GLIPR1L2: variants seen among roughly 807,000 people sequenced by gnomAD.
GLIPR1L2 encodes GLIPR1-like protein 2.
In GLIPR1L2, 21 loss-of-function variants were observed where a neutral mutation model predicts 28.4. The ratio of observed to expected loss-of-function variants is 0.74; its 90% CI spans 0.52 to 1.06. The LOEUF (loss-of-function observed/expected upper bound fraction) is 1.06. GLIPR1L2 is among the 50% of genes least tolerant of loss of function. GLIPR1L2 has a pLI of 0.00. For synonymous variants in GLIPR1L2, 145 were observed against 139.3 expected, an observed-to-expected ratio of 1.04 and a Z score of -0.29; for missense variants, 476 against 416.9, an observed-to-expected ratio of 1.14 and a Z score of -1.23.
chr12:75,416,556 A>G (rs1292442707), intron 3 of GLIPR1L2, among the ~76,000 whole-genome samples: 2 of 152,144 alleles, frequency 1.3e-5, no homozygotes. Flanking sequence ...CAAGTGAAGA[A>G]CATGAGCTAA....
intron 2 of GLIPR1L2, among the ~76,000 whole-genome samples, chr12:75,413,099 A>G (rs1210691720): frequency 1.3e-5 from 2 of 151,832 alleles, no homozygotes; most frequent in Non-Finnish European, 1.5e-5. Flanking sequence ...GCAAGGACAA[A>G]AAACCAAACA....
chr12:75,432,041 C>T lies in GLIPR1L2; in HGVS notation c.*880C>T, dbSNP rs1170781854. On this transcript the variant is annotated 3_prime_UTR_variant, in exon 6 of 6. Transcript: ENST00000550916. ...GATAGCACTAGATGACCACTAAGAC[C>T]TCTTCCATCAATGAATATTCATGGA... The T allele has an allele frequency of 2.6e-5, 4 of 151,960 alleles. No individual in the cohort carries two copies. Among genetic ancestry groups the T allele is most frequent in the African/African-American group, 9.7e-5 (4 of 41,392 alleles). 9.4% of individuals were successfully genotyped at this position (151,960 alleles called of 1,614,324 possible). A position where few individuals can be genotyped will look rare whatever the true frequency, so the allele number is the denominator to read the frequency against.
chr12:75,398,629 G>A (rs924022502), intron 1 of GLIPR1L2, among the ~76,000 whole-genome samples: 1 of 152,012 alleles, frequency 6.6e-6, no homozygotes, highest in Non-Finnish European at 1.5e-5. Flanking sequence ...CTAGGAGAAG[G>A]CTCAAGACTT....
At chr12:75,419,979 T>C (rs1027302825) in intron 3 of GLIPR1L2, among the ~76,000 whole-genome samples, 2 of 152,200 alleles carry the variant, frequency 1.3e-5, no homozygotes, top group Admixed American at 1.3e-4. Context: ...CTTAAACTTA[T>C]TGGAATAGAT....
chr12:75,410,750 C>G (rs775030458), intron 2 of GLIPR1L2, 71 bp downstream of exon 2: 3 of 1,093,746 alleles, frequency 2.7e-6, no homozygotes, highest in Non-Finnish European at 3.9e-6. Context: ...TATTATGTTT[C>G]AAATTTGTAC....
At position 75,410,408 on chromosome 12, in the gene GLIPR1L2, C is replaced by T. The variant is rs1186490161; in HGVS notation, c.235-26C>T. The T allele has an allele frequency of 8.1e-6, 12 of 1,478,284 alleles. No individual in the cohort carries two copies. The East Asian group carries it at 2.4e-4, about 30-fold the overall frequency. The allele number at this position is 1,478,284 out of a possible 1,614,324, so 91.6% of individuals were successfully genotyped here. On this transcript the variant is annotated intron_variant, in intron 1 of 5. Coordinates refer to ENST00000550916, the MANE Select transcript of GLIPR1L2 (RefSeq NM_001270396.2). ...ACTACAAAAAAAAACTTATTTTGTTCTCTTTGCTTTTTGAATATTTTTCAG... is the reference window on the plus strand; with the variant it reads ...ACTACAAAAAAAAACTTATTTTGTTTTCTTTGCTTTTTGAATATTTTTCAG...
At position 75,431,567 on chromosome 12, in the gene GLIPR1L2, G is replaced by A. The variant is rs1198544459; in HGVS notation, c.*406G>A. Reference sequence around the variant, plus strand: ...TCATTCCAAGTTCATAACAACCATTGAATAAAATTTGTATTTTTTTGTTTT... The same window carrying A: ...TCATTCCAAGTTCATAACAACCATTAAATAAAATTTGTATTTTTTTGTTTT... On this transcript the variant is annotated 3_prime_UTR_variant, in exon 6 of 6. Transcript: ENST00000550916. 2 of 156,872 alleles carry A rather than the reference G, an allele frequency of 1.3e-5. No individual in the cohort carries two copies. Among genetic ancestry groups the A allele is most frequent in the Non-Finnish European group, 2.8e-5 (2 of 71,244 alleles). 9.7% of individuals were successfully genotyped at this position (156,872 alleles called of 1,614,324 possible).
chr12:75,406,157 A>AG (rs1293806696), intron 1 of GLIPR1L2, among the ~76,000 whole-genome samples: 2 of 151,710 alleles, frequency 1.3e-5, no homozygotes, highest in Non-Finnish European at 2.9e-5. Flanking sequence ...TTTTAAAAAA[A>AG]AATTATGTTA....
intron 1 of GLIPR1L2, among the ~76,000 whole-genome samples, chr12:75,406,359 A>G (rs181362027): frequency 1.4e-3 from 218 of 152,296 alleles, no homozygotes; most frequent in Non-Finnish European, 1.8e-3. Context: ...TCCCAGAACC[A>G]TAGACTATCT....
At chr12:75,404,216 G>A (rs964333596) in intron 1 of GLIPR1L2, among the ~76,000 whole-genome samples, 2 of 152,034 alleles carry the variant, frequency 1.3e-5, no homozygotes, top group Admixed American at 1.3e-4. Context: ...CTCTGTGTGT[G>A]TATACATATG....
At chr12:75,425,168 A>T (rs540881292) in intron 4 of GLIPR1L2, among the ~76,000 whole-genome samples, 4 of 152,214 alleles carry the variant, frequency 2.6e-5, no homozygotes, top group African/African-American at 9.6e-5. Flanking sequence ...ATGACTCAGT[A>T]TGTAGCATCT....
At chr12:75,418,293 A>C (rs2045943217) in intron 3 of GLIPR1L2, among the ~76,000 whole-genome samples, 1 of 152,158 alleles carries the variant, frequency 6.6e-6, no homozygotes, top group Admixed American at 6.6e-5. Flanking sequence ...TGAGTTTTTC[A>C]CTCATCTTAG....
chr12:75,412,143 T>C (rs903856560), intron 2 of GLIPR1L2, among the ~76,000 whole-genome samples: 29 of 152,042 alleles, frequency 1.9e-4, no homozygotes, highest in African/African-American at 7.0e-4. Context: ...GTCTCTCTTT[T>C]TCTCCCTTTT....
At chr12:75,424,905 C>T (rs59516478) in intron 4 of GLIPR1L2, among the ~76,000 whole-genome samples, 48,553 of 151,206 alleles carry the variant, frequency 0.32, 8,539 homozygotes, top group East Asian at 0.46. Flanking sequence ...AGTCATTGGA[C>T]AGGTCAGGGG....
At chr12:75,405,191 A>G (rs1175124652) in intron 1 of GLIPR1L2, among the ~76,000 whole-genome samples, 2 of 152,202 alleles carry the variant, frequency 1.3e-5, no homozygotes, top group Non-Finnish European at 2.9e-5. Flanking sequence ...AGAAGGAGAA[A>G]GTAATTTTGT....
At chr12:75,400,179 C>T (rs916080167) in intron 1 of GLIPR1L2, among the ~76,000 whole-genome samples, 2 of 152,092 alleles carry the variant, frequency 1.3e-5, no homozygotes, top group Non-Finnish European at 2.9e-5. Flanking sequence ...AGTGCAGTGG[C>T]GCCATCTCGG....
At chr12:75,411,182 G>T (rs2139943569) in intron 2 of GLIPR1L2, among the ~76,000 whole-genome samples, 1 of 151,810 alleles carries the variant, frequency 6.6e-6, no homozygotes, top group African/African-American at 2.4e-5. Flanking sequence ...CATAACCTTT[G>T]TTATTTTATA....
chr12:75,422,769 T>C, intron 3 of GLIPR1L2, 135 bp from the exon 4 acceptor site: 1 of 637,756 alleles, frequency 1.6e-6, no homozygotes, highest in East Asian at 3.1e-5. Context: ...GAATCTCTAA[T>C]TAAAGTATTT....
At chr12:75,409,565 G>GTATATATA (rs4019358) in intron 1 of GLIPR1L2, among the ~76,000 whole-genome samples, 6,508 of 143,356 alleles carry the variant, frequency 0.045, 223 homozygotes, top group Non-Finnish European at 0.065. Context: ...GGGTGTGTGT[G>GTATATATA]TATATATATA....
Sources: allele counts gnomAD v4.1 joint callset (sites outside exome capture counted in the v4.1 genomes callset), GRCh38; gene constraint gnomAD v4.1.1; transcripts MANE v1.5; gene names NCBI Gene and HGNC (gene_info 2026-07-23, HGNC 2026-07-21).